The following SEC61B variants were observed in gnomAD, a reference collection of about 807,000 sequenced individuals.
SEC61B encodes the protein SEC61 translocon subunit beta.
A neutral mutation model predicts 12.6 loss-of-function variants in SEC61B; 7 were observed. The observed-to-expected ratio is 0.55, with a 90% CI of 0.32 to 1.04. SEC61B has a LOEUF of 1.04. SEC61B is among the 50% of genes least tolerant of loss of function. The pLI is 0.05. For synonymous variants in SEC61B, 54 were observed against 50.1 expected (o/e 1.08, Z -0.33); for missense variants, 107 against 130.1 (o/e 0.82, Z 0.86).
intron 2 of SEC61B, among the ~76,000 whole-genome samples, chr9:99,223,583 C>T (rs1357519891): frequency 1.3e-5 from 2 of 152,016 alleles, no homozygotes; most frequent in East Asian, 1.9e-4. Flanking sequence ...TTAGTAGAGA[C>T]GGGGTTTCAC....
chr9:99,227,190 C>T (rs1456358274), intron 2 of SEC61B, among the ~76,000 whole-genome samples: 1 of 144,064 alleles, frequency 6.9e-6, no homozygotes, highest in Non-Finnish European at 1.5e-5. Flanking sequence ...CGCTTGAACC[C>T]AGGAGGCGGA....
chr9:99,222,751 G>A (rs1033162223), intron 2 of SEC61B, 108 bp downstream of exon 2: 6 of 788,140 alleles, frequency 7.6e-6, no homozygotes, highest in Admixed American at 6.4e-5. Flanking sequence ...AAGGCAAAAT[G>A]AGCTTCTAGT....
chr9:99,226,985 C>T (rs1016528308), intron 2 of SEC61B, among the ~76,000 whole-genome samples: 5 of 151,966 alleles, frequency 3.3e-5, no homozygotes, highest in African/African-American at 1.2e-4. Context: ...AGTGAAAACA[C>T]GGCCAGGTGC....
chr9:99,223,799 T>C (rs1828865362), intron 2 of SEC61B, among the ~76,000 whole-genome samples: 1 of 152,228 alleles, frequency 6.6e-6, no homozygotes, highest in Non-Finnish European at 1.5e-5. Context: ...TTTCTACTTA[T>C]TTTCCAAGAC....
intron 2 of SEC61B, among the ~76,000 whole-genome samples, chr9:99,227,627 G>C (rs1828914022): frequency 6.6e-6 from 1 of 152,120 alleles, no homozygotes; most frequent in South Asian, 2.1e-4. Context: ...TAGATATTTT[G>C]CTTAACCTTT....
At chr9:99,224,914 A>G (rs1240701307) in intron 2 of SEC61B, among the ~76,000 whole-genome samples, 1 of 152,186 alleles carries the variant, frequency 6.6e-6, no homozygotes, top group African/African-American at 2.4e-5. Context: ...GATAGATACT[A>G]CCTTGGAGGA....
chr9:99,227,953 C>CG lies in SEC61B; in HGVS notation c.162dup (p.Met55AspfsTer88), dbSNP rs1564229532. On this transcript the variant is annotated frameshift_variant, in exon 3 of 4. Coordinates refer to ENST00000223641, the MANE Select transcript of SEC61B (RefSeq NM_006808.3). LOFTEE classifies it high-confidence loss of function. The stretch of plus-strand genomic sequence containing the variant: ...CAGGCCGCACAACCTCGGCAGGCAC[C>CG]GGGGGGATGTGGCGATTCTACACAG... 1 of 1,613,886 alleles carries CG rather than the reference C, an allele frequency of 6.2e-7. No homozygotes were observed. The highest frequency in any genetic ancestry group is 1.1e-5 in the South Asian group (1 of 91,042).
In SEC61B at chr9:99,227,914, T is replaced by C; in HGVS notation, c.117T>C (p.Cys39=). 2 of 1,613,924 alleles carry C rather than the reference T, an allele frequency of 1.2e-6. No homozygotes were observed. The highest frequency in any genetic ancestry group is 1.6e-4 in the Middle Eastern group (1 of 6,062). ...STVRQRKNAS[C]GTRSAGRTTS... is the part of the protein sequence containing the mutation. Reference sequence around the variant, plus strand: ...TCTCTTTCAGGAAAAATGCCAGCTGTGGGACAAGGAGTGCAGGCCGCACAA... The same window carrying C: ...TCTCTTTCAGGAAAAATGCCAGCTGCGGGACAAGGAGTGCAGGCCGCACAA... Residue 39 remains cysteine, a synonymous_variant, in exon 3 of 4, where the codon TGT becomes TGC. Transcript: ENST00000223641.
In SEC61B at chr9:99,227,278, A is replaced by AC. The variant is rs1828908923; in HGVS notation, c.102-621_102-620insC. On this transcript the variant is annotated intron_variant, in intron 2 of 3. Coordinates refer to ENST00000223641, the MANE Select transcript of SEC61B (RefSeq NM_006808.3). ...GAAACTCCATCTCAAAAAAAAAAAAAAAAAAAAAAAAAACAAACTAGTGAC... is the reference window on the plus strand; with the variant it reads ...GAAACTCCATCTCAAAAAAAAAAAAACAAAAAAAAAAAAACAAACTAGTGAC... 1.3e-5 allele frequency among the ~76,000 whole-genome samples: 2 copies of AC among 150,976 alleles called. 1 individual carries two copies.
At position 99,222,360 on chromosome 9, in the gene SEC61B, C is replaced by T. The variant is rs759831004; in HGVS notation, c.-4C>T. 35 of 1,614,064 alleles carry T rather than the reference C, an allele frequency of 2.2e-5. No individual in the cohort carries two copies. Among genetic ancestry groups the T allele is most frequent in the Non-Finnish European group, 3.0e-5 (35 of 1,180,030 alleles). ...GTCAGCGCCTTGCCACCCTCATCTC[C>T]AATATGGTATGGCGGCCCTTCCATG... On this transcript the variant is annotated 5_prime_UTR_variant, in exon 1 of 4. Transcript: ENST00000223641.
Position 99,224,973 on chromosome 9 carries a change from C to T in SEC61B, c.101+2330C>T, listed in dbSNP as rs1053788434. ...AGGCCAGAGTTGGTGTTCTTGCTCT[C>T]CTAAATACAATATAAAAGGAACTTG... is the stretch of plus-strand genomic sequence containing the variant. On this transcript the variant is annotated intron_variant, in intron 2 of 3. Coordinates refer to ENST00000223641, the MANE Select transcript of SEC61B (RefSeq NM_006808.3). Among the ~76,000 whole-genome samples the T allele has an allele frequency of 1.2e-4, 18 of 152,248 alleles. 1 individual carries two copies. Among genetic ancestry groups the T allele is most frequent in the African/African-American group, 4.1e-4 (17 of 41,526 alleles).
In SEC61B at chr9:99,230,454, A is replaced by G. The variant is rs1316846346; in HGVS notation, c.*30A>G. 6 of 1,462,454 alleles carry G rather than the reference A, an allele frequency of 4.1e-6. No homozygotes were observed. Among genetic ancestry groups the G allele is most frequent in the South Asian group, 1.2e-5 (1 of 85,544 alleles). 90.6% of individuals were successfully genotyped at this position (1,462,454 alleles called of 1,614,324 possible). ...AGTTACATCCATCTGTCATCTGAAG[A>G]AGGAGGAAAAAACCCAACATTTCTT... On this transcript the variant is annotated 3_prime_UTR_variant, in exon 4 of 4. Transcript: ENST00000223641.
intron 2 of SEC61B, among the ~76,000 whole-genome samples, chr9:99,226,125 C>A (rs1200954450): frequency 1.3e-5 from 2 of 152,176 alleles, no homozygotes; most frequent in Non-Finnish European, 2.9e-5. Context: ...TTTTAAGTTC[C>A]CAGGCTACCA....
intron 2 of SEC61B, among the ~76,000 whole-genome samples, chr9:99,224,640 G>A (rs1315713559): frequency 6.6e-6 from 1 of 152,202 alleles, no homozygotes; most frequent in Non-Finnish European, 1.5e-5. Context: ...AAAGTCGTGG[G>A]TGTTGGTGTC....
chr9:99,230,595 A>T lies in SEC61B; in HGVS notation c.*171A>T. On this transcript the variant is annotated 3_prime_UTR_variant, in exon 4 of 4. Coordinates refer to ENST00000223641, the MANE Select transcript of SEC61B (RefSeq NM_006808.3). ...GAATCAGTTTTTTTCTATGGCTAAT[A>T]AACTTTTTAATTCACTTATACTGAG... 1.8e-6 allele frequency: 1 copy of T among 551,752 alleles called. No homozygotes were observed. The highest frequency in any genetic ancestry group is 2.3e-5 in the South Asian group (1 of 43,910). 34.2% of individuals were successfully genotyped at this position (551,752 alleles called of 1,614,324 possible).
At chr9:99,223,905 T>C (rs1266226412) in intron 2 of SEC61B, among the ~76,000 whole-genome samples, 2 of 152,238 alleles carry the variant, frequency 1.3e-5, no homozygotes, top group African/African-American at 2.4e-5. Context: ...TTTGTTCATA[T>C]CATTATAAGA....
chr9:99,222,419 T>G, intron 1 of SEC61B, 53 bp downstream of exon 1: 1 of 1,613,454 alleles, frequency 6.2e-7, no homozygotes. Flanking sequence ...TGACTCCTCC[T>G]GCTTTGCGCC....
chr9:99,222,292 G>C lies in SEC61B; in HGVS notation c.-72G>C. On this transcript the variant is annotated 5_prime_UTR_variant, in exon 1 of 4. Coordinates refer to ENST00000223641, the MANE Select transcript of SEC61B (RefSeq NM_006808.3). ...GGCGGGGCCTGAGTCAGTCTCGCCA[G>C]CTGCCGGTCTTTCGGGGGCTCCGTA... 1 of 1,611,916 alleles carries C rather than the reference G, an allele frequency of 6.2e-7. No individual in the cohort carries two copies.
In SEC61B at chr9:99,230,615, A is replaced by G. The variant is rs1828949828; in HGVS notation, c.*191A>G. ...CTAATAAACTTTTTAATTCACTTAT[A>G]CTGAGTCTGATCGTTGATGCCTCAC... On this transcript the variant is annotated 3_prime_UTR_variant, in exon 4 of 4. Transcript: ENST00000223641. 2.0e-6 allele frequency: 1 copy of G among 494,868 alleles called. No individual in the cohort carries two copies. Among genetic ancestry groups the G allele is most frequent in the South Asian group, 2.7e-5 (1 of 37,312 alleles). The allele number at this position is 494,868 out of a possible 1,614,324, so 30.7% of individuals were successfully genotyped here. A position where few individuals can be genotyped will look rare whatever the true frequency, so the allele number is the denominator to read the frequency against.
Sources: allele counts gnomAD v4.1 joint callset (sites outside exome capture counted in the v4.1 genomes callset), GRCh38; gene constraint gnomAD v4.1.1; transcripts MANE v1.5; gene names NCBI Gene and HGNC (gene_info 2026-07-23, HGNC 2026-07-21).